The following PDXDC1 variants were observed in gnomAD, a reference collection of about 807,000 sequenced individuals.
PDXDC1 encodes pyridoxal dependent decarboxylase domain containing 1.
PDXDC1 carries 42 observed loss-of-function variants against 100.1 expected under a neutral mutation model. The ratio of observed to expected loss-of-function variants is 0.42; its 90% CI spans 0.33 to 0.54. The LOEUF (loss-of-function observed/expected upper bound fraction) is 0.54, where lower values mean the gene tolerates loss of function less well. PDXDC1 is among the 20% of genes least tolerant of loss of function. The probability of loss-of-function intolerance (pLI) is 0.10; values close to 1 mark genes in which losing one functional copy is unlikely to be tolerated. For missense variants in PDXDC1, 636 were observed against 979.2 expected (o/e 0.65, Z 4.68); for synonymous variants, 260 against 371.7 (o/e 0.70, Z 3.46).
At chr16:15,015,898 A>G (rs2041756989) in intron 8 of PDXDC1, 2 of 1,099,566 alleles carry the variant, frequency 1.8e-6, no homozygotes, top group Non-Finnish European at 2.5e-6. Context: ...TATATAAAAG[A>G]ATTCAATGAC....
chr16:15,035,696 C>G (rs947461054), intron 22 of PDXDC1, 143 bp downstream of exon 22: 2 of 599,538 alleles, frequency 3.3e-6, no homozygotes, highest in Non-Finnish European at 5.8e-6. Context: ...TCTTGGTAGC[C>G]GTGGGATTCA....
chr16:15,027,802 G>T (rs1276548588), intron 14 of PDXDC1, among the ~76,000 whole-genome samples: 1 of 152,290 alleles, frequency 6.6e-6, no homozygotes, highest in Non-Finnish European at 1.5e-5. Flanking sequence ...GCCCACTAGG[G>T]TCTCAGGTTT....
In PDXDC1 at chr16:15,036,990, G is replaced by C. The variant is rs538815037; in HGVS notation, c.*715G>C. On this transcript the variant is annotated 3_prime_UTR_variant, in exon 23 of 23. Coordinates refer to ENST00000396410, the MANE Select transcript of PDXDC1 (RefSeq NM_015027.4). ...AATACTGGCAAAGCTTTTAAAATTG[G>C]CACACAAGTACAGACTGTGCTCATT... The C allele has an allele frequency of 1.3e-5, 2 of 152,558 alleles. No individual in the cohort carries two copies. The highest frequency in any genetic ancestry group is 2.9e-5 in the Non-Finnish European group (2 of 68,248). 9.5% of individuals were successfully genotyped at this position (152,558 alleles called of 1,614,324 possible). A position where few individuals can be genotyped will look rare whatever the true frequency, so the allele number is the denominator to read the frequency against.
chr16:15,132,700 G>A (rs1418736977), intron 16 of PDXDC1: 4 of 859,926 alleles, frequency 4.7e-6, no homozygotes, highest in Admixed American at 1.9e-5. Flanking sequence ...GGGGCGGGGT[G>A]AGCATGTGGG....
chr16:14,975,196 A>G lies in PDXDC1; in HGVS notation c.-4A>G, dbSNP rs1192367500. The G allele has an allele frequency of 1.4e-5, 20 of 1,442,106 alleles. No homozygotes were observed. The highest frequency in any genetic ancestry group is 1.2e-4 in the Admixed American group (4 of 32,426). The allele number at this position is 1,442,106 out of a possible 1,614,324, so 89.3% of individuals were successfully genotyped here. On this transcript the variant is annotated 5_prime_UTR_variant, in exon 1 of 23. Transcript: ENST00000396410. The stretch of plus-strand genomic sequence containing the variant: ...CCGCCAGGCCACCACCGGCCGCCTC[A>G]GCCATGGACGCGTCCCTGGAGAAGG...
At chr16:15,023,080 A>G (rs1296434388) in intron 13 of PDXDC1, among the ~76,000 whole-genome samples, 6 of 152,284 alleles carry the variant, frequency 3.9e-5, no homozygotes, top group African/African-American at 7.2e-5. Context: ...GGCCTTGGGC[A>G]CACTCTTCTT....
intron 16 of PDXDC1, among the ~76,000 whole-genome samples, chr16:15,119,405 A>C (rs543760111): frequency 1.1e-3 from 161 of 149,150 alleles, no homozygotes; most frequent in African/African-American, 3.9e-3. Flanking sequence ...CTAAAAAAAA[A>C]AAATTTTTTT....
At chr16:15,069,173 C>T (rs1366572564) in intron 16 of PDXDC1, among the ~76,000 whole-genome samples, 1 of 152,178 alleles carries the variant, frequency 6.6e-6, no homozygotes, top group Non-Finnish European at 1.5e-5. Context: ...CTGCGACCCC[C>T]GCAGAGGACA....
Position 15,033,269 on chromosome 16 carries a change from C to T in PDXDC1, c.1691-9C>T, listed in dbSNP as rs774935279. On this transcript the variant is annotated splice_polypyrimidine_tract_variant and intron_variant, in intron 18 of 22. Transcript: ENST00000396410. Reference sequence around the variant, plus strand: ...TGAGAAACTCAAGTTTGTCTCGTTACCTTTGCAGGCCCTGAGTATAAGAGC... The same window carrying T: ...TGAGAAACTCAAGTTTGTCTCGTTATCTTTGCAGGCCCTGAGTATAAGAGC... 6.2e-7 allele frequency: 1 copy of T among 1,614,054 alleles called. No homozygotes were observed. The highest frequency in any genetic ancestry group is 1.1e-5 in the South Asian group (1 of 91,086).
At chr16:15,112,125 C>G (rs1463097331) in intron 16 of PDXDC1, among the ~76,000 whole-genome samples, 1 of 147,146 alleles carries the variant, frequency 6.8e-6, no homozygotes, top group Non-Finnish European at 1.5e-5. Context: ...TTTTAATCTT[C>G]TCAGATATTA....
intron 8 of PDXDC1, among the ~76,000 whole-genome samples, chr16:15,011,631 CTTTTTTTTTTTTTT>C: frequency 7.6e-6 from 1 of 131,276 alleles, no homozygotes; most frequent in Non-Finnish European, 1.6e-5. Flanking sequence ...ACATTTTTTT[CTTTTTTTTTTTTTT>C]TTTTTGTCTT....
At chr16:15,108,509 A>AT (rs1483281525) in intron 16 of PDXDC1, 4 of 105,026 alleles carry the variant, frequency 3.8e-5, no homozygotes, top group Non-Finnish European at 6.0e-5. Context: ...ATGAGAAGCC[A>AT]GTGAGGACAT....
At chr16:15,124,604 G>T (rs76222687) in intron 16 of PDXDC1, among the ~76,000 whole-genome samples, 1 of 144,752 alleles carries the variant, frequency 6.9e-6, no homozygotes, top group Non-Finnish European at 1.5e-5. Context: ...GAAACCCTGT[G>T]TCTAATAAAA....
intron 16 of PDXDC1, chr16:15,047,592 C>G (rs368295087): frequency 2.2e-6 from 3 of 1,387,920 alleles, no homozygotes; most frequent in Non-Finnish European, 3.1e-6. Context: ...TTCCCTGATG[C>G]GAGTGCAGTG....
rs1397412632 is a variant in PDXDC1, at chr16:15,013,087, A to G, written c.728-3042A>G. Among the ~76,000 whole-genome samples, 15 of 151,726 alleles carry G rather than the reference A, an allele frequency of 9.9e-5. No homozygotes were observed. In the East Asian group the frequency reaches 2.7e-3, roughly 28 times the overall value. On this transcript the variant is annotated intron_variant, in intron 8 of 22. Coordinates refer to ENST00000396410, the MANE Select transcript of PDXDC1 (RefSeq NM_015027.4). ...TGGGAGGCCGAGGCAGGAGAATGGC[A>G]TGAACTCGGGAGGCAGAGGTTGCAG... is the stretch of plus-strand genomic sequence containing the variant.
chr16:15,099,985 G>A (rs967939963), intron 16 of PDXDC1, among the ~76,000 whole-genome samples: 1 of 152,132 alleles, frequency 6.6e-6, no homozygotes, highest in African/African-American at 2.4e-5. Context: ...TTTGTTCTGA[G>A]GATACAAATA....
At chr16:15,041,725 C>G (rs753091147), downstream of PDXDC1, 1 of 1,352,434 alleles carries the variant, frequency 7.4e-7, no homozygotes, top group South Asian at 1.2e-5. Flanking sequence ...CCTCTAGTTA[C>G]CAGAACAAAC....
intron 22 of PDXDC1, among the ~76,000 whole-genome samples, chr16:15,035,782 T>G (rs1337106834): frequency 6.6e-6 from 1 of 152,174 alleles, no homozygotes; most frequent in Non-Finnish European, 1.5e-5. Context: ...CTGTGGTGTT[T>G]ACCCTCCTGG....
chr16:14,993,681 T>C (rs1483723066), intron 1 of PDXDC1, among the ~76,000 whole-genome samples: 1 of 152,294 alleles, frequency 6.6e-6, no homozygotes, highest in Non-Finnish European at 1.5e-5. Context: ...CTGGATCAAA[T>C]GGTATTTGTA....
Sources: gnomAD v4.1 joint callset for allele counts (sites outside exome capture counted in the v4.1 genomes callset) on GRCh38, gnomAD v4.1.1 for gene constraint, MANE v1.5 for transcripts, NCBI Gene and HGNC (gene_info 2026-07-23, HGNC 2026-07-21) for gene names.